The following PDE10A variants were observed in gnomAD, a reference collection of about 807,000 sequenced individuals.
The protein encoded by PDE10A is phosphodiesterase 10A.
PDE10A carries 39 observed loss-of-function variants against 97.7 expected under a neutral mutation model. The observed-to-expected ratio is 0.40, with a 90% confidence interval of 0.31 to 0.52. PDE10A has a LOEUF of 0.52. PDE10A is among the 20% of genes least tolerant of loss of function. PDE10A has a pLI of 0.56. For synonymous variants in PDE10A, 371 were observed against 376.8 expected (o/e 0.98, Z 0.18); for missense variants, 731 against 1,047.8 (o/e 0.70, Z 4.17).
intron 1 of PDE10A, among the ~76,000 whole-genome samples, chr6:165,650,129 A>G (rs3008049): frequency 0.28 from 42,020 of 152,072 alleles, 6,121 homozygotes; most frequent in Middle Eastern, 0.45. Context: ...GGGGCTGACA[A>G]ATGAAACCAT....
At chr6:165,772,011 C>G (rs12664766) in intron 1 of PDE10A, among the ~76,000 whole-genome samples, 28,210 of 152,202 alleles carry the variant, frequency 0.19, 3,074 homozygotes, top group East Asian at 0.47. Flanking sequence ...ACCTGAAGGT[C>G]AGTCTTTTCA....
At chr6:165,549,834 G>A (rs1228839249) in intron 1 of PDE10A, among the ~76,000 whole-genome samples, 3 of 152,002 alleles carry the variant, frequency 2.0e-5, no homozygotes, top group Non-Finnish European at 4.4e-5. Context: ...TTTCAAATCG[G>A]AGGCTAAAGA....
chr6:165,525,859 T>C (rs1375165930), intron 2 of PDE10A, among the ~76,000 whole-genome samples: 1 of 152,130 alleles, frequency 6.6e-6, no homozygotes, highest in Non-Finnish European at 1.5e-5. Context: ...ATGGTGTTCC[T>C]AGAAGTGAAA....
At chr6:165,820,267 T>C (rs1779532838) in intron 1 of PDE10A, among the ~76,000 whole-genome samples, 1 of 152,270 alleles carries the variant, frequency 6.6e-6, no homozygotes, top group African/African-American at 2.4e-5. Flanking sequence ...TCAGTTTTGC[T>C]TATTCATATT....
At chr6:165,567,469 G>A (rs1784830206) in intron 1 of PDE10A, among the ~76,000 whole-genome samples, 1 of 152,140 alleles carries the variant, frequency 6.6e-6, no homozygotes, top group South Asian at 2.1e-4. Flanking sequence ...CTGTCAAAAT[G>A]TTCTTCAACT....
intron 1 of PDE10A, among the ~76,000 whole-genome samples, chr6:165,880,863 C>A (rs1265782903): frequency 6.6e-6 from 1 of 152,006 alleles, no homozygotes; most frequent in Non-Finnish European, 1.5e-5. Context: ...TCTTTTTTGC[C>A]AAGCACTCTT....
chr6:165,577,009 C>T lies in PDE10A; in HGVS notation c.866-33441G>A, dbSNP rs568777780. Among the ~76,000 whole-genome samples, 9 of 152,314 alleles carry T rather than the reference C, an allele frequency of 5.9e-5. No homozygotes were observed. The South Asian group carries it at 8.3e-4, about 14-fold the overall frequency. ...TCCAATGTGCATACCAGGCCTACAG[C>T]CAAAGAGCTGATCTTGCCACCATCA... On this transcript the variant is annotated intron_variant, in intron 1 of 21. Coordinates refer to ENST00000539869, the MANE Select transcript of PDE10A (RefSeq NM_001385079.1).
At chr6:165,434,435 T>C (rs1404066901) in intron 6 of PDE10A, among the ~76,000 whole-genome samples, 2 of 152,206 alleles carry the variant, frequency 1.3e-5, no homozygotes, top group African/African-American at 2.4e-5. Flanking sequence ...ACCTTTGAAG[T>C]CTATATTCCA....
intron 1 of PDE10A, among the ~76,000 whole-genome samples, chr6:165,627,329 A>G (rs1280239927): frequency 6.6e-6 from 1 of 152,330 alleles, no homozygotes; most frequent in Non-Finnish European, 1.5e-5. Context: ...TATTAATGAT[A>G]TATTTTGTTT....
chr6:165,715,213 C>T (rs1173034626), intron 1 of PDE10A, among the ~76,000 whole-genome samples: 2 of 152,246 alleles, frequency 1.3e-5, no homozygotes, highest in East Asian at 3.9e-4. Flanking sequence ...TCACTCGCAG[C>T]AGGTGGCGAG....
intron 2 of PDE10A, among the ~76,000 whole-genome samples, chr6:165,494,665 C>T (rs1780436284): frequency 6.6e-6 from 1 of 151,978 alleles, no homozygotes; most frequent in Non-Finnish European, 1.5e-5. Flanking sequence ...TTCATATGAA[C>T]TAGCTACAAA....
chr6:165,876,913 A>G (rs1781359370), intron 1 of PDE10A, among the ~76,000 whole-genome samples: 2 of 152,206 alleles, frequency 1.3e-5, no homozygotes, highest in South Asian at 4.1e-4. Context: ...ACAAATTCCG[A>G]CTGAAATGCA....
chr6:165,492,521 C>G (rs1206996551), intron 2 of PDE10A, among the ~76,000 whole-genome samples: 1 of 152,144 alleles, frequency 6.6e-6, no homozygotes, highest in Non-Finnish European at 1.5e-5. Flanking sequence ...GGTTTCATAG[C>G]AGGGATGGTT....
chr6:165,480,758 T>C (rs1238686631), intron 3 of PDE10A, among the ~76,000 whole-genome samples: 1 of 152,186 alleles, frequency 6.6e-6, no homozygotes, highest in African/African-American at 2.4e-5. Flanking sequence ...TACCAAAAGG[T>C]TGCCCGAGGA....
At chr6:165,538,411 G>T (rs779947084) in intron 2 of PDE10A, among the ~76,000 whole-genome samples, 1 of 152,056 alleles carries the variant, frequency 6.6e-6, no homozygotes, top group Non-Finnish European at 1.5e-5. Context: ...GCCCACAAAA[G>T]GTGGCATTCT....
intron 3 of PDE10A, among the ~76,000 whole-genome samples, chr6:165,472,458 T>C (rs1167737583): frequency 6.6e-6 from 1 of 152,142 alleles, no homozygotes; most frequent in Non-Finnish European, 1.5e-5. Context: ...ATATTTTAAA[T>C]TTTGCTCCAT....
At chr6:165,603,370 T>C (rs897693780) in intron 1 of PDE10A, among the ~76,000 whole-genome samples, 12 of 152,224 alleles carry the variant, frequency 7.9e-5, no homozygotes, top group African/African-American at 2.2e-4. Context: ...ACACACATGT[T>C]AGTAAGCAGG....
intron 1 of PDE10A, among the ~76,000 whole-genome samples, chr6:165,953,677 CG>C (rs1784042919): frequency 6.6e-6 from 1 of 152,200 alleles, no homozygotes; most frequent in South Asian, 2.1e-4. Context: ...CTCCCGTCCC[CG>C]GCATCCTCTA....
chr6:165,955,668 A>G (rs1451460503), intron 1 of PDE10A, among the ~76,000 whole-genome samples: 1 of 152,258 alleles, frequency 6.6e-6, no homozygotes, highest in Admixed American at 6.5e-5. Context: ...TGCGAGTAGA[A>G]AAGTCATTTC....
Sources: allele counts gnomAD v4.1 joint callset (sites outside exome capture counted in the v4.1 genomes callset), GRCh38; gene constraint gnomAD v4.1.1; transcripts MANE v1.5; gene names NCBI Gene and HGNC (gene_info 2026-07-23, HGNC 2026-07-21).